The following RBM25 variants were observed in gnomAD, a reference collection of about 807,000 sequenced individuals.
RBM25 encodes the protein RNA binding motif protein 25.
In RBM25, 19 loss-of-function variants were observed where a neutral mutation model predicts 120.7. That is an observed-to-expected ratio of 0.16 (90% CI 0.11 to 0.23). The LOEUF (loss-of-function observed/expected upper bound fraction) is 0.23, where lower values mean the gene tolerates loss of function less well. RBM25 is among the 10% of genes least tolerant of loss of function. RBM25 has a pLI of 1.00. For synonymous variants in RBM25, 390 were observed against 326.7 expected, an observed-to-expected ratio of 1.19 and a Z score of -2.09; for missense variants, 605 against 1,041.5, an observed-to-expected ratio of 0.58 and a Z score of 5.77.
At chr14:73,070,290 C>G (rs1416172522) in intron 1 of RBM25, among the ~76,000 whole-genome samples, 1 of 152,048 alleles carries the variant, frequency 6.6e-6, no homozygotes, top group Non-Finnish European at 1.5e-5. Context: ...CTCCTGACCT[C>G]AGGTTTTCCA....
Position 73,111,069 on chromosome 14 carries a change from G to A in RBM25, c.1931G>A (p.Cys644Tyr), listed in dbSNP as rs745544056. Residue 644 changes from cysteine (C) to tyrosine (Y), a missense_variant, in exon 15 of 19, where the codon TGT becomes TAT. Transcript: ENST00000261973. ...AACACTCCTGGGGATGAGTCTCCCT[G>A]TGGTATTATTATTCCTCATGAAAAC... ...TPNTPGDESP[C>Y]GIIIPHENSP... 1 of 1,614,174 alleles carries A rather than the reference G, an allele frequency of 6.2e-7. No individual in the cohort carries two copies. The highest frequency in any genetic ancestry group is 2.2e-5 in the East Asian group (1 of 44,882).
chr14:73,114,755 G>A (rs1466703848), intron 18 of RBM25, among the ~76,000 whole-genome samples: 1 of 152,130 alleles, frequency 6.6e-6, no homozygotes, highest in Non-Finnish European at 1.5e-5. Context: ...TTAGCTGTGC[G>A]TGGTGGCGTG....
chr14:73,113,734 A>G (rs1322306562), intron 17 of RBM25, among the ~76,000 whole-genome samples: 1 of 152,094 alleles, frequency 6.6e-6, no homozygotes, highest in African/African-American at 2.4e-5. Flanking sequence ...TTTTAACCTA[A>G]CACTTAGAAT....
chr14:73,112,807 T>G (rs1896340798), intron 17 of RBM25, among the ~76,000 whole-genome samples: 1 of 152,124 alleles, frequency 6.6e-6, no homozygotes, highest in African/African-American at 2.4e-5. Flanking sequence ...GTTTTTTGTT[T>G]TTGTTTTTTC....
intron 7 of RBM25, 102 bp downstream of exon 7, chr14:73,097,202 T>TTC: frequency 2.9e-6 from 2 of 699,622 alleles, no homozygotes; most frequent in South Asian, 4.4e-5. Flanking sequence ...TTTTCTTTTT[T>TTC]TTTTTTTTTT....
intron 15 of RBM25, 186 bp downstream of exon 15, chr14:73,111,341 C>T (rs749915973): frequency 5.9e-6 from 5 of 846,960 alleles, no homozygotes; most frequent in Admixed American, 3.1e-5. Context: ...GCAGCTGCCT[C>T]GAGTTCTGAG....
intron 5 of RBM25, among the ~76,000 whole-genome samples, chr14:73,083,869 G>T (rs1895621476): frequency 6.6e-6 from 1 of 151,658 alleles, no homozygotes; most frequent in Admixed American, 6.6e-5. Context: ...ATTAGTAAGG[G>T]AGAAGAAGAG....
At chr14:73,093,091 A>G (rs775275676) in intron 6 of RBM25, among the ~76,000 whole-genome samples, 9 of 152,328 alleles carry the variant, frequency 5.9e-5, no homozygotes, top group South Asian at 2.1e-4. Context: ...ATAGGAGACA[A>G]TATATCTGCT....
intron 1 of RBM25, among the ~76,000 whole-genome samples, chr14:73,059,043 C>T (rs1894935203): frequency 6.6e-6 from 1 of 152,118 alleles, no homozygotes; most frequent in Admixed American, 6.5e-5. Context: ...ACAAAACGAT[C>T]GATCTGCCCC....
At chr14:73,074,287 A>G (rs192000759) in intron 2 of RBM25, among the ~76,000 whole-genome samples, 4 of 152,206 alleles carry the variant, frequency 2.6e-5, no homozygotes, top group Non-Finnish European at 5.9e-5. Flanking sequence ...TGGCATAACC[A>G]TAACTTAATG....
chr14:73,103,074 TA>T, intron 9 of RBM25, 117 bp from the exon 10 acceptor site: 2 of 1,513,362 alleles, frequency 1.3e-6, no homozygotes, highest in Non-Finnish European at 1.8e-6. Context: ...CACAAGTATT[TA>T]ATATTAATGT....
At chr14:73,068,452 A>T in intron 1 of RBM25, 1 of 740,014 alleles carries the variant, frequency 1.4e-6, no homozygotes, top group Non-Finnish European at 2.3e-6. Flanking sequence ...CAGCTGTATT[A>T]TCAGGAAGGA....
At chr14:73,067,067 ATTTT>A (rs375705058) in intron 1 of RBM25, among the ~76,000 whole-genome samples, 7 of 131,194 alleles carry the variant, frequency 5.3e-5, no homozygotes, top group Non-Finnish European at 1.1e-4. Context: ...GATACATATA[ATTTT>A]TTTTTTTTTT....
chr14:73,090,176 G>A (rs146541015), intron 6 of RBM25, among the ~76,000 whole-genome samples: 93 of 151,876 alleles, frequency 6.1e-4, no homozygotes, highest in East Asian at 3.5e-3. Flanking sequence ...TTGGCCTACC[G>A]AGTAGCTGAG....
intron 1 of RBM25, chr14:73,059,198 T>C (rs1019663794): frequency 6.6e-6 from 1 of 152,282 alleles, no homozygotes; most frequent in Non-Finnish European, 1.5e-5. Context: ...CGGATATCTT[T>C]CCCTTCCTCT....
intron 1 of RBM25, among the ~76,000 whole-genome samples, chr14:73,069,368 G>A (rs1895220280): frequency 6.6e-6 from 1 of 152,230 alleles, no homozygotes; most frequent in African/African-American, 2.4e-5. Context: ...GGGCAAGGAA[G>A]TGGAAGACTT....
rs1896450068 is a variant in RBM25, at chr14:73,117,205, CTTTTCTTTTTTTTTTTTT to C, written c.2440-2503_2440-2486del. ...ATTTCTTTCTTTTAATTTCTTTCTTCTTTTCTTTTTTTTTTTTTTTTTTTTTTTTTTTTTTTTTTGAGA... is the reference window on the plus strand; with the variant it reads ...ATTTCTTTCTTTTAATTTCTTTCTTCTTTTTTTTTTTTTTTTTTTTTGAGA... On this transcript the variant is annotated intron_variant, in intron 18 of 18. Coordinates refer to ENST00000261973, the MANE Select transcript of RBM25 (RefSeq NM_021239.3). Among the ~76,000 whole-genome samples, 8 of 36,564 alleles carry C rather than the reference CTTTTCTTTTTTTTTTTTT, an allele frequency of 2.2e-4. 1 individual carries two copies. The highest frequency in any genetic ancestry group is 6.1e-4 in the African/African-American group (6 of 9,762). 24.0% of individuals were successfully genotyped at this position (36,564 alleles called of 152,430 possible). A position where few individuals can be genotyped will look rare whatever the true frequency, so the allele number is the denominator to read the frequency against.
intron 7 of RBM25, among the ~76,000 whole-genome samples, chr14:73,098,994 A>G (rs1292492743): frequency 2.6e-5 from 4 of 152,214 alleles, no homozygotes; most frequent in African/African-American, 9.7e-5. Flanking sequence ...TGTAGAATTC[A>G]TTCTTCCTCT....
At chr14:73,089,209 A>G (rs896226248) in intron 6 of RBM25, among the ~76,000 whole-genome samples, 46 of 152,148 alleles carry the variant, frequency 3.0e-4, no homozygotes, top group African/African-American at 1.1e-3. Flanking sequence ...AAAAAAAAAT[A>G]AAAACCAAAC....
Sources: allele counts gnomAD v4.1 joint callset (sites outside exome capture counted in the v4.1 genomes callset), GRCh38; gene constraint gnomAD v4.1.1; transcripts MANE v1.5; gene names NCBI Gene and HGNC (gene_info 2026-07-23, HGNC 2026-07-21).